The following MYLK variants were observed in gnomAD, a reference collection of about 807,000 sequenced individuals.
The protein encoded by MYLK is myosin light chain kinase, also known as myosin light chain kinase, smooth muscle.
Under a neutral mutation model 203.4 loss-of-function variants are expected in MYLK, and 106 were observed. The observed-to-expected ratio is 0.52, with a 90% CI of 0.45 to 0.61. MYLK has a LOEUF of 0.61. Among genes scored for constraint, MYLK ranks in the 20% least tolerant of loss-of-function variants. MYLK has a pLI of 0.00. For missense variants in MYLK, 2,072 were observed against 2,442.3 expected (o/e 0.85, Z 3.20); for synonymous variants, 867 against 959.5 (o/e 0.90, Z 1.78).
intron 2 of MYLK, among the ~76,000 whole-genome samples, chr3:123,855,188 A>T (rs2031243014): frequency 6.6e-6 from 1 of 152,148 alleles, no homozygotes; most frequent in African/African-American, 2.4e-5. Context: ...CTTCACTTCC[A>T]TTCCCTTTTT....
intron 20 of MYLK, among the ~76,000 whole-genome samples, chr3:123,670,727 G>C (rs901604734): frequency 1.3e-5 from 2 of 152,188 alleles, no homozygotes; most frequent in Admixed American, 6.5e-5. Context: ...GGGTGACAGA[G>C]AGAGACCTTA....
intron 23 of MYLK, chr3:123,659,565 G>A (rs1238977420): frequency 5.1e-6 from 2 of 390,304 alleles, no homozygotes; most frequent in Non-Finnish European, 1.0e-5. Context: ...AGAAGTCCTA[G>A]GAGATTGGAG....
rs748988850 is a variant in MYLK at position 123,735,434 on chromosome 3, G to A, written c.755-18C>T. 18 of 1,613,874 alleles carry A rather than the reference G, an allele frequency of 1.1e-5. No homozygotes were observed. The highest frequency in any genetic ancestry group is 1.6e-4 in the Middle Eastern group (1 of 6,082). On this transcript the variant is annotated intron_variant, in intron 8 of 33. Transcript: ENST00000360304. Reference sequence around the variant, plus strand: ...GTCCAAACCTGGAAAAAGGGGGAAGGGTGGAAAGACTGTTAGTAGAATGCT... The same window carrying A: ...GTCCAAACCTGGAAAAAGGGGGAAGAGTGGAAAGACTGTTAGTAGAATGCT...
At position 123,613,215 on chromosome 3, in the gene MYLK, A is replaced by G. The variant is rs2057293900; in HGVS notation, c.*890T>C. On this transcript the variant is annotated 3_prime_UTR_variant, in exon 34 of 34. Transcript: ENST00000360304. ...CGTGGCCAATAGATAATTAAGACTA[A>G]CTTTTCAGCAAACTGATTTCTCCTA... 6.6e-6 allele frequency: 1 copy of G among 152,226 alleles called. No homozygotes were observed. The highest frequency in any genetic ancestry group is 2.4e-5 in the African/African-American group (1 of 41,448). 9.4% of individuals were successfully genotyped at this position (152,226 alleles called of 1,614,324 possible). A position where few individuals can be genotyped will look rare whatever the true frequency, so the allele number is the denominator to read the frequency against.
rs546643422 is a variant in MYLK, at chr3:123,728,612, T to C, written c.1517-2534A>G. On this transcript the variant is annotated intron_variant, in intron 11 of 33. Coordinates refer to ENST00000360304, the MANE Select transcript of MYLK (RefSeq NM_053025.4). ...ACAACAACAACAACAACAACAACAA[T>C]AAAACATAGCTGAATCTTGGTAAGA... Among the ~76,000 whole-genome samples the C allele has an allele frequency of 2.0e-3, 303 of 150,430 alleles. 1 individual carries two copies. The highest frequency in any genetic ancestry group is 6.9e-3 in the African/African-American group (278 of 40,020).
intron 31 of MYLK, chr3:123,622,981 C>T (rs974087845): frequency 2.6e-5 from 4 of 152,244 alleles, no homozygotes; most frequent in Non-Finnish European, 5.9e-5. Flanking sequence ...CACCAGCCTC[C>T]TTCATGCAGC....
chr3:123,759,328 C>T (rs972304065), intron 4 of MYLK, among the ~76,000 whole-genome samples: 2 of 152,168 alleles, frequency 1.3e-5, no homozygotes, highest in East Asian at 1.9e-4. Context: ...TGGGTCTCCA[C>T]GGATACTGTG....
chr3:123,654,136 G>A (rs920204910), intron 24 of MYLK, among the ~76,000 whole-genome samples: 4 of 152,132 alleles, frequency 2.6e-5, no homozygotes, highest in South Asian at 4.2e-4. Flanking sequence ...CAGGCATCAC[G>A]TCTCCGTGAC....
At chr3:123,677,174 T>A (rs901497787) in intron 20 of MYLK, among the ~76,000 whole-genome samples, 1 of 152,214 alleles carries the variant, frequency 6.6e-6, no homozygotes. Context: ...ACACTTCAGA[T>A]GATATGAAGG....
At chr3:123,790,399 G>A (rs542184154) in intron 4 of MYLK, among the ~76,000 whole-genome samples, 1 of 152,328 alleles carries the variant, frequency 6.6e-6, no homozygotes, top group Non-Finnish European at 1.5e-5. Context: ...GCCTGGTCAT[G>A]GGTTATGTGT....
chr3:123,657,350 G>C lies in MYLK; in HGVS notation c.4064C>G (p.Ser1355Cys). The C allele has an allele frequency of 6.2e-7, 1 of 1,614,178 alleles. No individual in the cohort carries two copies. Among genetic ancestry groups the C allele is most frequent in the Non-Finnish European group, 8.5e-7 (1 of 1,180,040 alleles). Residue 1355 changes from serine (S) to cysteine (C), a missense_variant, in exon 24 of 34, where the codon TCC becomes TGC. Around this residue, in one of 3 missense-constraint regions of MYLK, gnomAD observed 524 missense variants for 782.4 expected, o/e 0.67. Transcript: ENST00000360304. ...TACAGCACTGCCCCCATCATATGAG[G>C]AGCCATACCAGGACAGGGTCAGTGA... ...SSSLTLSWYG[S>C]SYDGGSAVQS...
Position 123,629,705 on chromosome 3 carries a change from GC to G in MYLK, c.4962-80del. On this transcript the variant is annotated intron_variant, in intron 29 of 33. Coordinates refer to ENST00000360304, the MANE Select transcript of MYLK (RefSeq NM_053025.4). This position sits in a 1 kb window ranked among gnomAD's most constrained non-coding sequence, Gnocchi z 4.4. ...AGGTGAGTGGTAACTGAGGTCAAAG[GC>G]GAGGGTCGGCCAGCCTCCCCACCCC... 2 of 1,533,076 alleles carry G rather than the reference GC, an allele frequency of 1.3e-6. No individual in the cohort carries two copies. 95.0% of individuals were successfully genotyped at this position (1,533,076 alleles called of 1,614,324 possible). A position where few individuals can be genotyped will look rare whatever the true frequency, so the allele number is the denominator to read the frequency against.
At chr3:123,780,217 T>G (rs915675009) in intron 4 of MYLK, among the ~76,000 whole-genome samples, 1 of 152,168 alleles carries the variant, frequency 6.6e-6, no homozygotes, top group Non-Finnish European at 1.5e-5. Context: ...GTGGATCACC[T>G]GACGTCAGGA....
At chr3:123,767,435 C>T (rs1018379192) in intron 4 of MYLK, among the ~76,000 whole-genome samples, 37 of 152,158 alleles carry the variant, frequency 2.4e-4, no homozygotes, top group African/African-American at 8.9e-4. Context: ...GAAGAAACCC[C>T]GCCTGTACTA....
chr3:123,871,343 A>G (rs1019321654), intron 2 of MYLK, among the ~76,000 whole-genome samples: 9 of 152,190 alleles, frequency 5.9e-5, no homozygotes, highest in Non-Finnish European at 2.9e-5. Flanking sequence ...AAACCAATGA[A>G]TCTGGAAACA....
At chr3:123,616,732 G>A (rs1033356520) in intron 33 of MYLK, 1 of 152,062 alleles carries the variant, frequency 6.6e-6, no homozygotes. Flanking sequence ...CATTTCATGC[G>A]GATCTGGTTG....
intron 2 of MYLK, among the ~76,000 whole-genome samples, chr3:123,850,351 A>G (rs1266292408): frequency 5.9e-5 from 9 of 152,076 alleles, no homozygotes; most frequent in Non-Finnish European, 1.0e-4. Context: ...CTAGTTTACA[A>G]TCCCACCAAC....
In MYLK at chr3:123,835,602, T is replaced by C. The variant is rs1369035103; in HGVS notation, c.-126-3932A>G. Among the ~76,000 whole-genome samples, 4 of 152,194 alleles carry C rather than the reference T, an allele frequency of 2.6e-5. No individual in the cohort carries two copies. The East Asian group carries it at 7.7e-4, about 29-fold the overall frequency. On this transcript the variant is annotated intron_variant, in intron 2 of 33. Coordinates refer to ENST00000360304, the MANE Select transcript of MYLK (RefSeq NM_053025.4). ...ATACAGTTATATGGTTTGAAATTGT[T>C]TGGGGGCTCAGAAAACAATACCCCA... is the stretch of plus-strand genomic sequence containing the variant.
chr3:123,648,646 T>C lies in MYLK; in HGVS notation c.4415+325A>G, dbSNP rs2059105733. 6.6e-6 allele frequency among the ~76,000 whole-genome samples: 1 copy of C among 152,016 alleles called. No homozygotes were observed. The highest frequency in any genetic ancestry group is 6.6e-5 in the Admixed American group (1 of 15,256). On this transcript the variant is annotated intron_variant, in intron 26 of 33. Transcript: ENST00000360304. This position sits in a 1 kb window ranked among gnomAD's most constrained non-coding sequence, Gnocchi z 4.5. ...GTTCTGCTCCCCGCACCCCCTGCTCTCCCCTGACAGGCCCCAGTGAGTGTT... is the reference window on the plus strand; with the variant it reads ...GTTCTGCTCCCCGCACCCCCTGCTCCCCCCTGACAGGCCCCAGTGAGTGTT...
Sources: gnomAD v4.1 joint callset for allele counts (sites outside exome capture counted in the v4.1 genomes callset) on GRCh38, gnomAD v4.1.1 for gene constraint, gnomAD v4.1.1 regional missense constraint, Gnocchi (gnomAD v3.1) non-coding constraint, MANE v1.5 for transcripts, NCBI Gene and HGNC (gene_info 2026-07-23, HGNC 2026-07-21) for gene names.